Variants in LRRC20 observed in about 807,000 individuals in gnomAD.
LRRC20 encodes the protein leucine-rich repeat-containing protein 20.
Under a neutral mutation model 14.4 loss-of-function variants are expected in LRRC20, and 11 were observed. That is an observed-to-expected ratio of 0.77 (90% CI 0.48 to 1.27). The LOEUF is 1.27. Among genes scored for constraint, LRRC20 ranks in the 50% most tolerant of loss-of-function variants. The probability of loss-of-function intolerance (pLI) is 0.00; values close to 1 mark genes in which losing one functional copy is unlikely to be tolerated. For synonymous variants in LRRC20, 121 were observed against 107.3 expected (o/e 1.13, Z -0.79); for missense variants, 219 against 251.2 (o/e 0.87, Z 0.87).
chr10:70,378,773 CAAAAAAA>C (rs58126984), intron 1 of LRRC20, among the ~76,000 whole-genome samples: 2 of 67,436 alleles, frequency 3.0e-5, no homozygotes, highest in African/African-American at 5.9e-5. Context: ...ACCTCGCGCT[CAAAAAAA>C]AAAAAAAAAA....
chr10:70,358,525 C>T lies in LRRC20; in HGVS notation c.83-17823G>A, dbSNP rs114373269. ...GTTTGTCCTCCTGATCTCACAGATGCATGACTGATGGGACCCAGGAAGCAG... is the reference window on the plus strand; with the variant it reads ...GTTTGTCCTCCTGATCTCACAGATGTATGACTGATGGGACCCAGGAAGCAG... On this transcript the variant is annotated intron_variant, in intron 2 of 4. Transcript: ENST00000446961. 2.7e-3 allele frequency among the ~76,000 whole-genome samples: 409 copies of T among 152,328 alleles called. 3 individuals carry two copies. Among genetic ancestry groups the T allele is most frequent in the African/African-American group, 9.3e-3 (385 of 41,564 alleles).
chr10:70,331,506 C>G (rs906755049), intron 3 of LRRC20, among the ~76,000 whole-genome samples: 8 of 152,340 alleles, frequency 5.3e-5, no homozygotes, highest in African/African-American at 1.9e-4. Context: ...TGTTGGGCTT[C>G]CAGCCCAACA....
intron 4 of LRRC20, among the ~76,000 whole-genome samples, chr10:70,310,397 C>A (rs1342556192): frequency 6.6e-6 from 1 of 152,174 alleles, no homozygotes; most frequent in African/African-American, 2.4e-5. Context: ...AAAGGGACCT[C>A]CGCTTTGCCT....
intron 3 of LRRC20, among the ~76,000 whole-genome samples, chr10:70,331,735 A>T (rs1426599442): frequency 6.6e-6 from 1 of 152,120 alleles, no homozygotes; most frequent in Admixed American, 6.6e-5. Flanking sequence ...CTGGAAAAAG[A>T]TCCCACTCCA....
At chr10:70,311,022 T>C (rs886821115) in intron 4 of LRRC20, among the ~76,000 whole-genome samples, 6 of 152,206 alleles carry the variant, frequency 3.9e-5, no homozygotes, top group Non-Finnish European at 8.8e-5. Context: ...TATGTGTGTA[T>C]ATACACTCAC....
chr10:70,347,136 T>C (rs1222301847), intron 2 of LRRC20, among the ~76,000 whole-genome samples: 1 of 152,176 alleles, frequency 6.6e-6, no homozygotes, highest in Non-Finnish European at 1.5e-5. Flanking sequence ...TCCACCTGCC[T>C]CATGTTCCCT....
chr10:70,365,512 G>A (rs557602896), intron 2 of LRRC20, among the ~76,000 whole-genome samples: 3 of 152,234 alleles, frequency 2.0e-5, no homozygotes, highest in South Asian at 4.1e-4. Flanking sequence ...AAGATAAAAC[G>A]ATAAATTAAA....
At chr10:70,368,206 G>A (rs1202710274) in intron 2 of LRRC20, among the ~76,000 whole-genome samples, 1 of 130,272 alleles carries the variant, frequency 7.7e-6, no homozygotes, top group Non-Finnish European at 1.5e-5. Context: ...CGCCCAGGCT[G>A]AAGTGCAGTG....
At chr10:70,327,238 G>A (rs1842362457) in intron 3 of LRRC20, among the ~76,000 whole-genome samples, 1 of 152,196 alleles carries the variant, frequency 6.6e-6, no homozygotes, top group Non-Finnish European at 1.5e-5. Context: ...GATGTTCTGT[G>A]AGGTTTTCTG....
chr10:70,337,095 G>T (rs1007322747), intron 3 of LRRC20, among the ~76,000 whole-genome samples: 16 of 152,194 alleles, frequency 1.1e-4, no homozygotes, highest in Admixed American at 5.9e-4. Context: ...CCTTGCAGAA[G>T]AGTCCCCAGG....
chr10:70,303,589 G>A (rs1002223969), intron 4 of LRRC20, among the ~76,000 whole-genome samples: 7 of 152,162 alleles, frequency 4.6e-5, no homozygotes, highest in Non-Finnish European at 8.8e-5. Context: ...ACTTACATAA[G>A]ATACTAGGGC....
chr10:70,315,229 T>C (rs527351144), intron 4 of LRRC20, among the ~76,000 whole-genome samples: 1 of 152,306 alleles, frequency 6.6e-6, no homozygotes, highest in South Asian at 2.1e-4. Context: ...AGTGTGTTTG[T>C]TCTATTTGTG....
chr10:70,331,036 T>C lies in LRRC20; in HGVS notation c.233-7006A>G, dbSNP rs1842517623. 2.0e-5 allele frequency among the ~76,000 whole-genome samples: 3 copies of C among 152,196 alleles called. No individual in the cohort carries two copies. The South Asian group carries it at 6.2e-4, about 31-fold the overall frequency. On this transcript the variant is annotated intron_variant, in intron 3 of 4. Coordinates refer to ENST00000446961, the MANE Select transcript of LRRC20 (RefSeq NM_001278212.2). Reference sequence around the variant, plus strand: ...AAAAGCCACTTCTCCCTTCTGAGCCTCAGGGTCCCCATCCGTGAAGACGTG... The same window carrying C: ...AAAAGCCACTTCTCCCTTCTGAGCCCCAGGGTCCCCATCCGTGAAGACGTG...
chr10:70,317,892 G>T (rs1203786947), intron 4 of LRRC20, among the ~76,000 whole-genome samples: 1 of 152,242 alleles, frequency 6.6e-6, no homozygotes, highest in Non-Finnish European at 1.5e-5. Flanking sequence ...AGGAGGCAGA[G>T]CTTTGGGTCC....
At chr10:70,319,178 A>G (rs1229598758) in intron 4 of LRRC20, among the ~76,000 whole-genome samples, 1 of 151,096 alleles carries the variant, frequency 6.6e-6, no homozygotes, top group Non-Finnish European at 1.5e-5. Context: ...ATAGGGAAAA[A>G]AAAAAAAAAA....
At chr10:70,308,034 T>A (rs1841490824) in intron 4 of LRRC20, among the ~76,000 whole-genome samples, 1 of 152,148 alleles carries the variant, frequency 6.6e-6, no homozygotes, top group African/African-American at 2.4e-5. Context: ...ACCACCCAGA[T>A]AACCCAGATG....
At chr10:70,347,440 C>T (rs145499216) in intron 2 of LRRC20, among the ~76,000 whole-genome samples, 1 of 152,174 alleles carries the variant, frequency 6.6e-6, no homozygotes, top group African/African-American at 2.4e-5. Flanking sequence ...CAGAAATGTC[C>T]AGCCCACAGT....
At chr10:70,358,585 C>T (rs1320247449) in intron 2 of LRRC20, among the ~76,000 whole-genome samples, 5 of 152,240 alleles carry the variant, frequency 3.3e-5, no homozygotes, top group East Asian at 1.9e-4. Flanking sequence ...TTGTGCACCA[C>T]GTCTGCCCCA....
At chr10:70,328,733 C>A (rs1185977364) in intron 3 of LRRC20, among the ~76,000 whole-genome samples, 1 of 152,182 alleles carries the variant, frequency 6.6e-6, no homozygotes, top group Non-Finnish European at 1.5e-5. Context: ...GCCTGCACAA[C>A]ATGGTGAAAC....
Sources: allele counts gnomAD v4.1 joint callset (sites outside exome capture counted in the v4.1 genomes callset), GRCh38; gene constraint gnomAD v4.1.1; transcripts MANE v1.5; gene names NCBI Gene and HGNC (gene_info 2026-07-23, HGNC 2026-07-21).